Variants in HYCC2 observed in about 807,000 individuals in gnomAD.
The protein encoded by HYCC2 is hyccin PI4KA lipid kinase complex subunit 2.
At chr2:201,048,897 A>AG in the HYCC2 span, among the ~76,000 whole-genome samples, 4 of 152,154 alleles carry the variant, frequency 2.6e-5, no homozygotes, top group Admixed American at 6.5e-5. Context: ...GGGAGGCTTG[A>AG]GCTCAGGAGT....
chr2:201,061,725 G>C, the HYCC2 span, among the ~76,000 whole-genome samples: 1 of 150,462 alleles, frequency 6.6e-6, no homozygotes. Flanking sequence ...TTTACTGACT[G>C]TCATTTTTTA....
the HYCC2 span, among the ~76,000 whole-genome samples, chr2:201,048,737 C>T: frequency 1.3e-5 from 2 of 151,906 alleles, no homozygotes; most frequent in African/African-American, 2.4e-5. Flanking sequence ...GAATTTATGG[C>T]AAGGATGATT....
chr2:201,070,928 G>A, the HYCC2 span, among the ~76,000 whole-genome samples: 1 of 152,054 alleles, frequency 6.6e-6, no homozygotes, highest in Non-Finnish European at 1.5e-5. Flanking sequence ...TATCTGTCAA[G>A]TCCATAATTG....
chr2:201,069,836 T>C, the HYCC2 span, among the ~76,000 whole-genome samples: 2 of 152,302 alleles, frequency 1.3e-5, no homozygotes, highest in Non-Finnish European at 2.9e-5. Flanking sequence ...GATGCACCTC[T>C]TTCCCAATTA....
chr2:201,014,379 TAGAGA>T, the HYCC2 span, among the ~76,000 whole-genome samples: 4 of 152,204 alleles, frequency 2.6e-5, no homozygotes, highest in Admixed American at 2.0e-4. Flanking sequence ...GTTAGGAAAG[TAGAGA>T]ATTTTATTCC....
At chr2:201,030,363 C>T in the HYCC2 span, among the ~76,000 whole-genome samples, 1 of 151,618 alleles carries the variant, frequency 6.6e-6, no homozygotes, top group African/African-American at 2.4e-5. Flanking sequence ...TAAATAGATG[C>T]CCGTAAAAAA....
the HYCC2 span, among the ~76,000 whole-genome samples, chr2:200,988,942 T>C: frequency 6.6e-6 from 1 of 152,206 alleles, no homozygotes; most frequent in Non-Finnish European, 1.5e-5. Context: ...AGCTAAAGGA[T>C]TGTCTTGCTC....
the HYCC2 span, among the ~76,000 whole-genome samples, chr2:201,037,868 C>T: frequency 3.9e-5 from 6 of 152,176 alleles, no homozygotes; most frequent in Non-Finnish European, 7.4e-5. Flanking sequence ...AAAGTAATGG[C>T]AACAAAAGCC....
At chr2:201,062,992 T>C in the HYCC2 span, 6 of 1,436,804 alleles carry the variant, frequency 4.2e-6, no homozygotes, top group East Asian at 1.4e-4. Flanking sequence ...GCAGCTAACA[T>C]TTATTATGCA....
chr2:201,069,193 A>T, the HYCC2 span, among the ~76,000 whole-genome samples: 876 of 152,308 alleles, frequency 5.8e-3, 13 homozygotes, highest in East Asian at 0.02. Flanking sequence ...TGTATTGCAA[A>T]TAATCAAACT....
At chr2:200,997,227 C>T in the HYCC2 span, 16 of 401,226 alleles carry the variant, frequency 4.0e-5, no homozygotes, top group East Asian at 6.0e-4. Context: ...TGTACTCCAG[C>T]CTAGGCGACA....
the HYCC2 span, chr2:200,981,496 G>A: frequency 6.2e-7 from 1 of 1,614,188 alleles, no homozygotes; most frequent in Non-Finnish European, 8.5e-7. The surrounding 1 kb of genome is among the most constrained non-coding windows in gnomAD (Gnocchi z 4.5). Flanking sequence ...ATAGTCAAAT[G>A]ATTTACTTGA....
At chr2:200,981,456 A>C in the HYCC2 span, 2 of 1,614,126 alleles carry the variant, frequency 1.2e-6, no homozygotes, top group Non-Finnish European at 1.7e-6. The surrounding 1 kb of genome is among the most constrained non-coding windows in gnomAD (Gnocchi z 4.5). Flanking sequence ...TGCCAACCCC[A>C]ATGCTGGTAC....
At chr2:200,987,544 C>T in the HYCC2 span, 1 of 1,288,894 alleles carries the variant, frequency 7.8e-7, no homozygotes, top group Non-Finnish European at 1.0e-6. Flanking sequence ...TGGGATTCAA[C>T]ATATAACATT....
At chr2:201,049,984 G>C in the HYCC2 span, among the ~76,000 whole-genome samples, 1 of 152,086 alleles carries the variant, frequency 6.6e-6, no homozygotes, top group African/African-American at 2.4e-5. Flanking sequence ...ACAGGCGTGA[G>C]CCACTGCACC....
the HYCC2 span, among the ~76,000 whole-genome samples, chr2:201,038,427 T>C: frequency 1.4e-4 from 21 of 152,168 alleles, no homozygotes; most frequent in Non-Finnish European, 2.9e-4. Flanking sequence ...CATGCTGCTA[T>C]AAAGACACAT....
the HYCC2 span, among the ~76,000 whole-genome samples, chr2:201,029,445 T>G: frequency 6.6e-6 from 1 of 152,168 alleles, no homozygotes; most frequent in Non-Finnish European, 1.5e-5. Context: ...ACCCAAAAGA[T>G]TATAAATCAT....
chr2:201,060,464 C>A, the HYCC2 span, among the ~76,000 whole-genome samples: 14 of 152,056 alleles, frequency 9.2e-5, no homozygotes, highest in Non-Finnish European at 1.9e-4. Context: ...TTTGTCTATG[C>A]CTTTCTTCCT....
At chr2:200,978,003 T>C in the HYCC2 span, 1 of 152,220 alleles carries the variant, frequency 6.6e-6, no homozygotes, top group Non-Finnish European at 1.5e-5. Flanking sequence ...AATTGTTTTA[T>C]TACAGAAAAC....
Sources: gnomAD v4.1 joint callset for allele counts (sites outside exome capture counted in the v4.1 genomes callset) on GRCh38, gnomAD v4.1.1 for gene constraint, Gnocchi (gnomAD v3.1) non-coding constraint, MANE v1.5 for transcripts, NCBI Gene and HGNC (gene_info 2026-07-23, HGNC 2026-07-21) for gene names.